Variants in FZD6 observed in about 807,000 individuals in gnomAD.
FZD6 encodes frizzled-6.
A neutral mutation model predicts 61.4 loss-of-function variants in FZD6; 49 were observed. That is an observed-to-expected ratio of 0.80 (90% CI 0.63 to 1.01). The LOEUF (loss-of-function observed/expected upper bound fraction) is 1.01. FZD6 is among the 50% of genes least tolerant of loss of function. The probability of loss-of-function intolerance (pLI) is 0.00; values close to 1 mark genes in which losing one functional copy is unlikely to be tolerated. For synonymous variants in FZD6, 265 were observed against 292.2 expected (o/e 0.91, Z 0.95); for missense variants, 724 against 848.2 (o/e 0.85, Z 1.82).
rs76815791 is a variant in FZD6 at position 103,304,294 on chromosome 8, G to A, written c.177+4010G>A. ...TGTTTTATAGAATTTAAGCATTTAT[G>A]GTCATTTTTAATCTGTGATTATATG... On this transcript the variant is annotated intron_variant, in intron 2 of 6. Transcript: ENST00000358755. Among the ~76,000 whole-genome samples the A allele has an allele frequency of 3.2e-4, 49 of 152,228 alleles. No homozygotes were observed. In the East Asian group the frequency reaches 4.6e-3, roughly 14 times the overall value.
Position 103,329,755 on chromosome 8 carries a change from T to A in FZD6, c.1642T>A (p.Ser548Thr). 3 of 1,613,844 alleles carry A rather than the reference T, an allele frequency of 1.9e-6. No homozygotes were observed. The highest frequency in any genetic ancestry group is 2.5e-6 in the Non-Finnish European group (3 of 1,179,802). The change falls in exon 6 of 7, where the codon TCA becomes ACA. Residue 548 changes from serine to threonine, a missense_variant. By Grantham distance (58) the Ser-to-Thr change is moderately conservative. Transcript: ENST00000358755. ...CAAAAAGAAGCACTATAAACCAAGT[T>A]CACACAAGCTGAAGGTCATTTCCAA... ...KHKKKHYKPSSHKLKVISKSM... is the reference protein window; with the variant it reads ...KHKKKHYKPSTHKLKVISKSM...
rs370237144 is a variant in FZD6, at chr8:103,310,963, T to C, written c.178-7627T>C. On this transcript the variant is annotated intron_variant, in intron 2 of 6. Coordinates refer to ENST00000358755, the MANE Select transcript of FZD6 (RefSeq NM_003506.4). ...CTTGCAAACCATTCTTTATGTTTTT[T>C]TTCTGTACTAGTTGGTCTTCTTGAT... is the stretch of plus-strand genomic sequence containing the variant. Among the ~76,000 whole-genome samples the C allele has an allele frequency of 2.8e-4, 43 of 152,330 alleles. 1 individual carries two copies. In the South Asian group the frequency reaches 8.7e-3, roughly 31 times the overall value.
intron 2 of FZD6, among the ~76,000 whole-genome samples, chr8:103,315,189 C>T (rs950925793): frequency 3.9e-5 from 6 of 152,092 alleles, no homozygotes; most frequent in Admixed American, 3.3e-4. Context: ...GAATTTTCAT[C>T]TTCTCTCACT....
In FZD6 at chr8:103,330,056, G is replaced by A; in HGVS notation, c.1943G>A (p.Ser648Asn). The part of the protein sequence containing the change: ...QAGSVSESAR[S>N]EGRISPKSDI... ...GGCAGTGTATCTGAAAGTGCGCGGAGTGAAGGAAGGTGAGATTTGATTTTA... is the reference window on the plus strand; with the variant it reads ...GGCAGTGTATCTGAAAGTGCGCGGAATGAAGGAAGGTGAGATTTGATTTTA... The change falls in exon 6 of 7, where the codon AGT becomes AAT. Residue 648 changes from serine (S) to asparagine (N), a missense_variant. By Grantham distance (46) the Ser-to-Asn change is conservative. Coordinates refer to ENST00000358755, the MANE Select transcript of FZD6 (RefSeq NM_003506.4). 1 of 1,613,428 alleles carries A rather than the reference G, an allele frequency of 6.2e-7. No homozygotes were observed. Among genetic ancestry groups the A allele is most frequent in the Non-Finnish European group, 8.5e-7 (1 of 1,179,324 alleles).
At chr8:103,313,995 A>G (rs827545) in intron 2 of FZD6, among the ~76,000 whole-genome samples, 143,426 of 152,186 alleles carry the variant, frequency 0.94, 67,643 homozygotes, top group East Asian at 1. Context: ...ACTCCCTATC[A>G]TCTTACAGGC....
At position 103,324,794 on chromosome 8, in the gene FZD6, C is replaced by G; in HGVS notation, c.688C>G (p.Pro230Ala). The change falls in exon 4 of 7, where the codon CCA (proline) becomes GCA (alanine). Residue 230 changes from proline (P) to alanine (A), a missense_variant. Transcript: ENST00000358755. ...AATTGATGTTAGAAGATTCAGATAC[C>G]CAGAGAGACCAATTATATATTACTC... is the stretch of plus-strand genomic sequence containing the variant. ...FLIDVRRFRY[P>A]ERPIIYYSVC... 1.2e-6 allele frequency: 2 copies of G among 1,612,230 alleles called. No homozygotes were observed. Among genetic ancestry groups the G allele is most frequent in the Non-Finnish European group, 1.7e-6 (2 of 1,178,346 alleles).
In FZD6 at chr8:103,329,913, G is replaced by A. The variant is rs1240863491; in HGVS notation, c.1800G>A (p.Val600=). ...CACCAGAAACATCAATGAGAGAGGT[G>A]AAAGCGGACGGAGCTAGCACCCCCA... is the stretch of plus-strand genomic sequence containing the variant. ...QTSPETSMRE[V]KADGASTPRL... is the part of the protein sequence containing the mutation. The change falls in exon 6 of 7, where the codon GTG becomes GTA. Residue 600 remains valine (V), a synonymous_variant. Coordinates refer to ENST00000358755, the MANE Select transcript of FZD6 (RefSeq NM_003506.4). 2.5e-6 allele frequency: 4 copies of A among 1,614,046 alleles called. No individual in the cohort carries two copies. The African/African-American group carries it at 4.0e-5, about 16-fold the overall frequency.
upstream of FZD6, chr8:103,298,773 CCCGCCG>C (rs539743508): frequency 0.065 from 10,194 of 157,066 alleles, 350 homozygotes; most frequent in Non-Finnish European, 0.089. Flanking sequence ...CAGGGCCAGT[CCCGCCG>C]CCGCCGCCGC....
Position 103,303,602 on chromosome 8 carries a change from G to A in FZD6, c.177+3318G>A, listed in dbSNP as rs78801515. ...ACATAAAAGCTAAATAAAGAAAAAG[G>A]TAGGATTTTATGTCCCAATAAGGTA... is the stretch of plus-strand genomic sequence containing the variant. On this transcript the variant is annotated intron_variant, in intron 2 of 6. Coordinates refer to ENST00000358755, the MANE Select transcript of FZD6 (RefSeq NM_003506.4). Among the ~76,000 whole-genome samples the A allele has an allele frequency of 6.5e-3, 994 of 152,210 alleles. 16 individuals are homozygous for A. The highest frequency in any genetic ancestry group is 0.022 in the African/African-American group (913 of 41,526).
intron 2 of FZD6, chr8:103,307,731 T>TC: frequency 2.2e-6 from 1 of 451,556 alleles, no homozygotes; most frequent in Non-Finnish European, 4.4e-6. Context: ...TTTTTTTTTT[T>TC]CATGTCCTTT....
chr8:103,328,418 TAAG>T lies in FZD6; in HGVS notation c.1541+5_1541+7del. On this transcript the variant is annotated splice_donor_5th_base_variant and intron_variant, in intron 5 of 6. Transcript: ENST00000358755. ...TTTTAAACGAAATCGCAAGAGAGAG[TAAG>T]AAACTATTGAATTGTCTGACACAAT... 1 of 1,604,724 alleles carries T rather than the reference TAAG, an allele frequency of 6.2e-7. No homozygotes were observed. The highest frequency in any genetic ancestry group is 8.5e-7 in the Non-Finnish European group (1 of 1,171,708).
At chr8:103,331,070 G>A (rs1220205933) in intron 6 of FZD6, among the ~76,000 whole-genome samples, 3 of 152,082 alleles carry the variant, frequency 2.0e-5, no homozygotes, top group Non-Finnish European at 2.9e-5. Context: ...CCAGCTACTC[G>A]GGAGGCTGAG....
At chr8:103,307,580 T>G (rs1522714) in intron 2 of FZD6, among the ~76,000 whole-genome samples, 9,044 of 152,298 alleles carry the variant, frequency 0.059, 474 homozygotes, top group Admixed American at 0.17. Flanking sequence ...TTTTTTGCCC[T>G]TGTTTACTCA....
chr8:103,320,591 GT>G (rs56950218), intron 3 of FZD6, among the ~76,000 whole-genome samples: 76,300 of 150,788 alleles, frequency 0.51, 19,833 homozygotes, highest in African/African-American at 0.62. Flanking sequence ...TCCCAATGAG[GT>G]TTTTTTTTTA....
At chr8:103,317,445 G>C (rs180910012) in intron 2 of FZD6, among the ~76,000 whole-genome samples, 1 of 152,214 alleles carries the variant, frequency 6.6e-6, no homozygotes, top group Non-Finnish European at 1.5e-5. Context: ...AGTGTGGGAA[G>C]TAGTGAGACC....
intron 2 of FZD6, among the ~76,000 whole-genome samples, chr8:103,309,338 G>T (rs1310470315): frequency 6.6e-6 from 1 of 152,210 alleles, no homozygotes; most frequent in Admixed American, 6.5e-5. Context: ...GGCTAGCTTA[G>T]AGAGGCATAC....
chr8:103,303,172 G>A (rs1456515900), intron 2 of FZD6, among the ~76,000 whole-genome samples: 1 of 152,152 alleles, frequency 6.6e-6, no homozygotes, highest in Admixed American at 6.5e-5. Flanking sequence ...TGCTTGTCCA[G>A]TCTCTCATCT....
chr8:103,329,243 G>A (rs1021838495), intron 5 of FZD6, among the ~76,000 whole-genome samples: 6 of 150,708 alleles, frequency 4.0e-5, no homozygotes, highest in Admixed American at 2.6e-4. Flanking sequence ...AATTTTTAAC[G>A]TTAGAAAGAA....
intron 2 of FZD6, among the ~76,000 whole-genome samples, chr8:103,301,072 A>G (rs1263688975): frequency 6.6e-6 from 1 of 152,164 alleles, no homozygotes; most frequent in East Asian, 1.9e-4. Context: ...CAGAATAGTA[A>G]AGGCTTTTTT....
Sources: gnomAD v4.1 joint callset for allele counts (sites outside exome capture counted in the v4.1 genomes callset) on GRCh38, gnomAD v4.1.1 for gene constraint, MANE v1.5 for transcripts, NCBI Gene and HGNC (gene_info 2026-07-23, HGNC 2026-07-21) for gene names.